PDZRN4: variants seen among roughly 807,000 people sequenced by gnomAD.
PDZRN4 encodes PDZ domain-containing RING finger protein 4.
In PDZRN4, 70 loss-of-function variants were observed where a neutral mutation model predicts 99.0. That is an observed-to-expected ratio of 0.71 (90% confidence interval 0.58 to 0.86). The LOEUF (loss-of-function observed/expected upper bound fraction) is 0.86, where lower values mean the gene tolerates loss of function less well. Ranked by LOEUF, PDZRN4 falls within the 40% of genes least tolerant of loss-of-function variation. The probability of loss-of-function intolerance (pLI) is 0.00; values close to 1 mark genes in which losing one functional copy is unlikely to be tolerated. For synonymous variants in PDZRN4, 551 were observed against 501.6 expected (o/e 1.10, Z -1.32); for missense variants, 1,474 against 1,331.2 (o/e 1.11, Z -1.67).
chr12:41,418,222 A>T (rs1952459983), intron 3 of PDZRN4, among the ~76,000 whole-genome samples: 1 of 152,230 alleles, frequency 6.6e-6, no homozygotes. Context: ...AAATACTAAC[A>T]TGCTTTAAAA....
At position 41,555,749 on chromosome 12, in the gene PDZRN4, C is replaced by A. The variant is rs776207271; in HGVS notation, c.1354C>A (p.Arg452=). 6.2e-7 allele frequency: 1 copy of A among 1,613,694 alleles called. No individual in the cohort carries two copies. The highest frequency in any genetic ancestry group is 8.5e-7 in the Non-Finnish European group (1 of 1,179,674). Reference sequence around the variant, plus strand: ...AGACGGCCGGATTCGAGAAGGGGATCGGATTTTGCAAGTAGGTGGTATAGT... The same window carrying A: ...AGACGGCCGGATTCGAGAAGGGGATAGGATTTTGCAAGTAGGTGGTATAGT... ...AKDGRIREGD[R]ILQINGEDVQ... The change falls in exon 7 of 10, where the codon CGG becomes AGG. Residue 452 remains arginine, a synonymous_variant. Coordinates refer to ENST00000402685, the MANE Select transcript of PDZRN4 (RefSeq NM_001164595.2).
intron 3 of PDZRN4, among the ~76,000 whole-genome samples, chr12:41,432,602 T>A (rs1047662405): frequency 1.3e-5 from 2 of 152,220 alleles, no homozygotes; most frequent in African/African-American, 2.4e-5. Context: ...TTAATGTTGC[T>A]CTTACATGTC....
intron 3 of PDZRN4, among the ~76,000 whole-genome samples, chr12:41,235,353 A>T (rs1951058961): frequency 1.3e-5 from 2 of 152,190 alleles, no homozygotes; most frequent in Non-Finnish European, 2.9e-5. Flanking sequence ...AAACAAAACT[A>T]AAAACAATAT....
At chr12:41,512,043 C>A (rs1938315184) in intron 5 of PDZRN4, among the ~76,000 whole-genome samples, 1 of 152,014 alleles carries the variant, frequency 6.6e-6, no homozygotes, top group Non-Finnish European at 1.5e-5. Flanking sequence ...GAGAATATCA[C>A]AGGAAAGTGA....
chr12:41,314,069 T>C (rs770381225), intron 3 of PDZRN4, among the ~76,000 whole-genome samples: 5 of 152,216 alleles, frequency 3.3e-5, no homozygotes, highest in Non-Finnish European at 7.3e-5. Flanking sequence ...CCACTTATTG[T>C]TAATAATTTG....
intron 3 of PDZRN4, among the ~76,000 whole-genome samples, chr12:41,309,148 C>T (rs927902023): frequency 1.4e-4 from 21 of 152,068 alleles, no homozygotes; most frequent in Non-Finnish European, 1.6e-4. Context: ...TAGGGAAGGC[C>T]TTCCTAAGTA....
intron 3 of PDZRN4, among the ~76,000 whole-genome samples, chr12:41,367,990 A>G (rs1404960744): frequency 1.3e-5 from 2 of 152,072 alleles, no homozygotes; most frequent in Non-Finnish European, 2.9e-5. Context: ...AGTAGGAAAT[A>G]CGATGTCCTC....
intron 3 of PDZRN4, among the ~76,000 whole-genome samples, chr12:41,212,463 G>A (rs1950894777): frequency 6.6e-6 from 1 of 151,858 alleles, no homozygotes; most frequent in South Asian, 2.1e-4. Flanking sequence ...TATTTTTCAT[G>A]TGTTTTATAT....
intron 3 of PDZRN4, among the ~76,000 whole-genome samples, chr12:41,255,909 G>T (rs1223662293): frequency 6.6e-6 from 1 of 152,142 alleles, no homozygotes; most frequent in Admixed American, 6.5e-5. Flanking sequence ...TTGCCATGGG[G>T]TGGGTACCAA....
intron 3 of PDZRN4, among the ~76,000 whole-genome samples, chr12:41,344,813 T>A (rs1247790469): frequency 6.7e-6 from 1 of 149,680 alleles, no homozygotes; most frequent in Non-Finnish European, 1.5e-5. Context: ...TCGATAGGGA[T>A]ATAATTTTGA....
chr12:41,278,247 A>G (rs1048460678), intron 3 of PDZRN4, among the ~76,000 whole-genome samples: 1 of 152,212 alleles, frequency 6.6e-6, no homozygotes, highest in African/African-American at 2.4e-5. Flanking sequence ...GTCTTATGTT[A>G]TATTCAGAAG....
intron 3 of PDZRN4, among the ~76,000 whole-genome samples, chr12:41,263,127 T>C (rs1951253499): frequency 6.6e-6 from 1 of 152,218 alleles, no homozygotes; most frequent in Admixed American, 6.5e-5. Context: ...TGTGTGTGTG[T>C]GTGTACACAC....
At chr12:41,414,137 C>T (rs1360908622) in intron 3 of PDZRN4, among the ~76,000 whole-genome samples, 1 of 152,122 alleles carries the variant, frequency 6.6e-6, no homozygotes, top group African/African-American at 2.4e-5. Flanking sequence ...AAAATAGGCC[C>T]CCAGTCTCTT....
chr12:41,436,314 C>T (rs528353391), intron 3 of PDZRN4, among the ~76,000 whole-genome samples: 4 of 152,308 alleles, frequency 2.6e-5, no homozygotes, highest in African/African-American at 9.6e-5. Flanking sequence ...GATGATTGTT[C>T]ATCTCCTTGC....
intron 3 of PDZRN4, among the ~76,000 whole-genome samples, chr12:41,381,057 C>T (rs1478470857): frequency 6.6e-6 from 1 of 152,072 alleles, no homozygotes; most frequent in South Asian, 2.1e-4. Flanking sequence ...CCACTGTCTG[C>T]TGAGGTTTCT....
At chr12:41,392,654 A>G (rs914623425) in intron 3 of PDZRN4, among the ~76,000 whole-genome samples, 3 of 152,184 alleles carry the variant, frequency 2.0e-5, no homozygotes, top group African/African-American at 4.8e-5. Flanking sequence ...GCTATCACCT[A>G]TTGAATCCTA....
intron 3 of PDZRN4, among the ~76,000 whole-genome samples, chr12:41,402,667 A>G (rs568599790): frequency 3.1e-5 from 4 of 128,724 alleles, no homozygotes; most frequent in Non-Finnish European, 1.6e-5. Flanking sequence ...ATATACATAT[A>G]TATATATATA....
chr12:41,510,856 AT>A (rs1326755116), intron 5 of PDZRN4, among the ~76,000 whole-genome samples: 2 of 152,126 alleles, frequency 1.3e-5, no homozygotes, highest in Non-Finnish European at 2.9e-5. Flanking sequence ...TACAGAAATC[AT>A]TATTTCTTTG....
At chr12:41,489,428 A>G (rs544847626) in intron 3 of PDZRN4, among the ~76,000 whole-genome samples, 1 of 152,260 alleles carries the variant, frequency 6.6e-6, no homozygotes, top group South Asian at 2.1e-4. Flanking sequence ...TTCAACAAGA[A>G]GTTCAGTCAC....
Sources: allele counts gnomAD v4.1 joint callset (sites outside exome capture counted in the v4.1 genomes callset), GRCh38; gene constraint gnomAD v4.1.1; transcripts MANE v1.5; gene names NCBI Gene and HGNC (gene_info 2026-07-23, HGNC 2026-07-21).